The following SLC2A13 variants were observed in gnomAD, a reference collection of about 807,000 sequenced individuals.
SLC2A13 encodes the protein solute carrier family 2 member 13.
Under a neutral mutation model 64.4 loss-of-function variants are expected in SLC2A13, and 32 were observed. That is an observed-to-expected ratio of 0.50 (90% confidence interval 0.37 to 0.67). The LOEUF is 0.67. Ranked by LOEUF, SLC2A13 falls within the 30% of genes least tolerant of loss-of-function variation. The probability of loss-of-function intolerance (pLI) is 0.00; values close to 1 mark genes in which losing one functional copy is unlikely to be tolerated. For synonymous variants in SLC2A13, 338 were observed against 327.1 expected (o/e 1.03, Z -0.36); for missense variants, 743 against 829.2 (o/e 0.90, Z 1.28).
At chr12:39,999,826 A>G (rs1947294640) in intron 3 of SLC2A13, among the ~76,000 whole-genome samples, 1 of 152,008 alleles carries the variant, frequency 6.6e-6, no homozygotes, top group Admixed American at 6.6e-5. Flanking sequence ...GATCTTTGTG[A>G]ACTAATCCCT....
At chr12:39,868,533 A>T (rs896439803) in intron 5 of SLC2A13, among the ~76,000 whole-genome samples, 3 of 152,214 alleles carry the variant, frequency 2.0e-5, no homozygotes, top group Non-Finnish European at 2.9e-5. Flanking sequence ...CTAGTTTAGT[A>T]GATCTGGGTT....
chr12:40,041,582 A>G (rs1948091502), intron 2 of SLC2A13, among the ~76,000 whole-genome samples: 1 of 152,226 alleles, frequency 6.6e-6, no homozygotes, highest in Non-Finnish European at 1.5e-5. Flanking sequence ...GGACAGGAGG[A>G]GCACTTCTTA....
chr12:39,932,700 T>C (rs1308059294), intron 4 of SLC2A13, among the ~76,000 whole-genome samples: 1 of 152,158 alleles, frequency 6.6e-6, no homozygotes, highest in Non-Finnish European at 1.5e-5. Context: ...AGGTGTGCTG[T>C]TTAAATTCAG....
chr12:40,063,480 GA>G (rs11295359), intron 1 of SLC2A13, among the ~76,000 whole-genome samples: 12,147 of 141,260 alleles, frequency 0.086, 665 homozygotes, highest in Non-Finnish European at 0.13. Flanking sequence ...AAAAACTGAA[GA>G]AAAAAAAAAA....
At chr12:39,834,440 C>G (rs559982727) in intron 6 of SLC2A13, among the ~76,000 whole-genome samples, 1 of 152,016 alleles carries the variant, frequency 6.6e-6, no homozygotes, top group Non-Finnish European at 1.5e-5. Context: ...TAACCAGGAC[C>G]AACACCAAGT....
intron 3 of SLC2A13, among the ~76,000 whole-genome samples, chr12:39,995,566 T>C (rs1370668110): frequency 6.6e-6 from 1 of 152,234 alleles, no homozygotes; most frequent in African/African-American, 2.4e-5. Flanking sequence ...TAAAAAAGCA[T>C]ATCAAACTAT....
At chr12:40,052,074 T>A (rs779257718) in intron 1 of SLC2A13, among the ~76,000 whole-genome samples, 3 of 152,060 alleles carry the variant, frequency 2.0e-5, no homozygotes, top group Non-Finnish European at 4.4e-5. Context: ...GAGGATGATG[T>A]TTTGATGTCA....
chr12:40,046,614 CTT>C (rs1281140052), intron 2 of SLC2A13, among the ~76,000 whole-genome samples: 1 of 151,690 alleles, frequency 6.6e-6, no homozygotes, highest in African/African-American at 2.4e-5. Flanking sequence ...CGTCTTTCCT[CTT>C]TCTCTTCATC....
rs182273400 is a variant in SLC2A13, at chr12:40,061,655, G to A, written c.557-13445C>T. Among the ~76,000 whole-genome samples, 1,041 of 152,096 alleles carry A rather than the reference G, an allele frequency of 6.8e-3. 8 individuals carry two copies. The highest frequency in any genetic ancestry group is 0.024 in the Middle Eastern group (7 of 294). ...ACCATTTTATACAAGGGAATTGAACGTCCACAGAATTTGGTGTCCACACAA... is the reference window on the plus strand; with the variant it reads ...ACCATTTTATACAAGGGAATTGAACATCCACAGAATTTGGTGTCCACACAA... On this transcript the variant is annotated intron_variant, in intron 1 of 9. Transcript: ENST00000280871.
intron 1 of SLC2A13, among the ~76,000 whole-genome samples, chr12:40,064,489 T>C (rs1266521931): frequency 1.3e-5 from 2 of 152,002 alleles, no homozygotes; most frequent in Non-Finnish European, 2.9e-5. Flanking sequence ...ATGACAATAA[T>C]CTCTGAAATA....
At chr12:39,854,356 T>C (rs754873886) in intron 6 of SLC2A13, among the ~76,000 whole-genome samples, 1 of 152,142 alleles carries the variant, frequency 6.6e-6, no homozygotes, top group East Asian at 1.9e-4. Context: ...TAACAGAAAC[T>C]ATTATTATTT....
chr12:39,935,842 A>G (rs546168342), intron 4 of SLC2A13, among the ~76,000 whole-genome samples: 2 of 152,348 alleles, frequency 1.3e-5, no homozygotes, highest in Admixed American at 1.3e-4. Context: ...GGTTCCATGT[A>G]GCAGGAGGTA....
intron 6 of SLC2A13, among the ~76,000 whole-genome samples, chr12:39,842,000 T>C (rs1348807635): frequency 2.0e-5 from 3 of 152,078 alleles, no homozygotes; most frequent in Non-Finnish European, 2.9e-5. Context: ...AATTCTTACA[T>C]TGGCATCATG....
intron 1 of SLC2A13, among the ~76,000 whole-genome samples, chr12:40,072,951 G>C (rs1246098077): frequency 6.6e-6 from 1 of 151,816 alleles, no homozygotes; most frequent in Admixed American, 6.6e-5. Flanking sequence ...TTTCTGCCTT[G>C]TGTGGATTTA....
chr12:39,772,000 C>G (rs1048660410), intron 7 of SLC2A13, among the ~76,000 whole-genome samples: 5 of 152,172 alleles, frequency 3.3e-5, no homozygotes, highest in African/African-American at 1.2e-4. Context: ...ATTCCTACCT[C>G]ATCACCCAAG....
rs943951242 is a variant in SLC2A13 at position 40,105,112 on chromosome 12, G to A, written c.556+141C>T. 1.4e-6 allele frequency: 2 copies of A among 1,391,930 alleles called. No individual in the cohort carries two copies. The highest frequency in any genetic ancestry group is 1.5e-5 in the African/African-American group (1 of 65,746). The allele number at this position is 1,391,930 out of a possible 1,614,324, so 86.2% of individuals were successfully genotyped here. ...GGAGGCTGGACCAACAAACAGATGGGCTCTGGAGGCCAGAGAAGTGGAGGA... is the reference window on the plus strand; with the variant it reads ...GGAGGCTGGACCAACAAACAGATGGACTCTGGAGGCCAGAGAAGTGGAGGA... On this transcript the variant is annotated intron_variant, in intron 1 of 9. Coordinates refer to ENST00000280871, the MANE Select transcript of SLC2A13 (RefSeq NM_052885.4). This position sits in a 1 kb window ranked among gnomAD's most constrained non-coding sequence, Gnocchi z 4.2.
Position 39,828,906 on chromosome 12 carries a change from T to A in SLC2A13, c.1445+1197A>T, listed in dbSNP as rs117152143. ...ATTGTATTTCTTTTACATATTTCTT[T>A]GTAATTAGTATATTTAAAATGTGGT... On this transcript the variant is annotated intron_variant, in intron 7 of 9. Transcript: ENST00000280871. Among the ~76,000 whole-genome samples the A allele has an allele frequency of 5.2e-4, 79 of 152,286 alleles. 1 individual carries two copies. The East Asian group carries it at 0.014, about 27-fold the overall frequency.
intron 2 of SLC2A13, among the ~76,000 whole-genome samples, chr12:40,038,578 A>C (rs2136227203): frequency 6.6e-6 from 1 of 152,076 alleles, no homozygotes; most frequent in African/African-American, 2.4e-5. Flanking sequence ...AAAAAAATAC[A>C]AAAATTAATG....
chr12:40,059,297 A>G (rs534567910), intron 1 of SLC2A13, among the ~76,000 whole-genome samples: 3 of 152,344 alleles, frequency 2.0e-5, no homozygotes, highest in African/African-American at 4.8e-5. Flanking sequence ...TCAATACCCT[A>G]TGCCAGAGGA....
Sources: gnomAD v4.1 joint callset for allele counts (sites outside exome capture counted in the v4.1 genomes callset) on GRCh38, gnomAD v4.1.1 for gene constraint, Gnocchi (gnomAD v3.1) non-coding constraint, MANE v1.5 for transcripts, NCBI Gene and HGNC (gene_info 2026-07-23, HGNC 2026-07-21) for gene names.